DNAH17: variants seen among roughly 807,000 people sequenced by gnomAD.
The protein encoded by DNAH17 is dynein axonemal heavy chain 17.
Under a neutral mutation model 485.6 loss-of-function variants are expected in DNAH17, and 376 were observed. The observed-to-expected ratio is 0.77, with a 90% CI of 0.71 to 0.84. The LOEUF (loss-of-function observed/expected upper bound fraction) is 0.84, where lower values mean the gene tolerates loss of function less well. Ranked by LOEUF, DNAH17 falls within the 40% of genes least tolerant of loss-of-function variation. The pLI is 0.00. For synonymous variants in DNAH17, 3,031 were observed against 2,405.9 expected, an observed-to-expected ratio of 1.26 and a Z score of -7.60; for missense variants, 6,370 against 5,839.3, an observed-to-expected ratio of 1.09 and a Z score of -2.96.
Position 78,429,659 on chromosome 17 carries a change from C to T in DNAH17, c.12226-359G>A, listed in dbSNP as rs114972375. ...TGCCTCAGAGGCCACAGGGCTGAATCGGAACTCGCTCCCTCTGCCTCTCCC... is the reference window on the plus strand; with the variant it reads ...TGCCTCAGAGGCCACAGGGCTGAATTGGAACTCGCTCCCTCTGCCTCTCCC... On this transcript the variant is annotated intron_variant, in intron 75 of 80. Transcript: ENST00000389840. 2.9e-3 allele frequency among the ~76,000 whole-genome samples: 447 copies of T among 152,302 alleles called. 1 individual carries two copies. The highest frequency in any genetic ancestry group is 9.2e-3 in the African/African-American group (382 of 41,566).
Position 78,558,188 on chromosome 17 carries a change from C to T in DNAH17, c.2098G>A (p.Ala700Thr), listed in dbSNP as rs1322948096. The T allele has an allele frequency of 1.2e-6, 2 of 1,613,862 alleles. No individual in the cohort carries two copies. Among genetic ancestry groups the T allele is most frequent in the East Asian group, 4.5e-5 (2 of 44,886 alleles). ...TCGTTCTCTGAGAACAGACTCTCCG[C>T]ACTGTCTGGAATCTCTTTCTGTTGC... is the stretch of plus-strand genomic sequence containing the variant. ...FQQQKEIPDS[A>T]ESLFSENETF... is the part of the protein sequence containing the mutation. The change falls in exon 14 of 81, where the codon GCG becomes ACG. Residue 700 changes from alanine (A) to threonine (T), a missense_variant. Ala to Thr is a moderately conservative substitution (Grantham distance 58, BLOSUM62 0). Transcript: ENST00000389840.
At position 78,444,785 on chromosome 17, in the gene DNAH17, T is replaced by A; in HGVS notation, c.11347A>T (p.Met3783Leu). The A allele has an allele frequency of 6.4e-7, 1 of 1,571,882 alleles. No homozygotes were observed. Among genetic ancestry groups the A allele is most frequent in the Non-Finnish European group, 8.6e-7 (1 of 1,162,012 alleles). The stretch of plus-strand genomic sequence containing the variant: ...CTGTCCAGATTTTTGAACTCATCCA[T>A]CTCCGAGAGGGCCTAGGGGCAGAGG... ...GWGGIKALSE[M>L]DEFKNLDSDI... is the part of the protein sequence containing the mutation. The change falls in exon 71 of 81, where the codon ATG becomes TTG. Residue 3783 changes from methionine (M) to leucine (L), a missense_variant. Coordinates refer to ENST00000389840, the MANE Select transcript of DNAH17 (RefSeq NM_173628.4).
chr17:78,490,801 A>C lies in DNAH17; in HGVS notation c.6716T>G (p.Met2239Arg). ...GTGGCTGATTTCGAACACCAGCCTC[A>C]TGGTGCGGTTCAGGGGGATCCGCTC... is the stretch of plus-strand genomic sequence containing the variant. ...SNERIPLNRT[M>R]RLVFEISHLR... The change falls in exon 44 of 81, where the codon ATG becomes AGG. Residue 2239 changes from methionine to arginine, a missense_variant. Coordinates refer to ENST00000389840, the MANE Select transcript of DNAH17 (RefSeq NM_173628.4). 1 of 1,604,794 alleles carries C rather than the reference A, an allele frequency of 6.2e-7. No individual in the cohort carries two copies. Among genetic ancestry groups the C allele is most frequent in the Non-Finnish European group, 8.5e-7 (1 of 1,175,940 alleles).
At chr17:78,552,829 T>G in intron 14 of DNAH17, 24 bp from the exon 15 acceptor site, 3 of 1,527,048 alleles carry the variant, frequency 2.0e-6, no homozygotes, top group Non-Finnish European at 2.7e-6. Context: ...GTGACAGGTT[T>G]TGTTCCGAGT....
rs1555671256 is a variant in DNAH17 at position 78,485,670 on chromosome 17, C to T, written c.7363G>A (p.Gly2455Arg). Residue 2455 changes from glycine to arginine, a missense_variant, in exon 47 of 81, where the codon GGG (glycine) becomes AGG (arginine). Coordinates refer to ENST00000389840, the MANE Select transcript of DNAH17 (RefSeq NM_173628.4). ...MEKSWPVMLV[G>R]NAGTGKSVLM... ...ACCGACTTGCCCGTCCCCGCGTTCCCCACCAGCATCACCGGCCAGGACTTC... is the reference window on the plus strand; with the variant it reads ...ACCGACTTGCCCGTCCCCGCGTTCCTCACCAGCATCACCGGCCAGGACTTC... 2 of 1,614,020 alleles carry T rather than the reference C, an allele frequency of 1.2e-6. No homozygotes were observed. Among genetic ancestry groups the T allele is most frequent in the Non-Finnish European group, 1.7e-6 (2 of 1,179,892 alleles).
intron 19 of DNAH17, among the ~76,000 whole-genome samples, chr17:78,534,025 A>G (rs1425827283): frequency 6.6e-6 from 1 of 152,204 alleles, no homozygotes; most frequent in African/African-American, 2.4e-5. Context: ...AAAAAACCTT[A>G]TGGGCCAGGA....
intron 78 of DNAH17, 38 bp from the exon 79 acceptor site, chr17:78,426,638 T>C: frequency 6.4e-7 from 1 of 1,561,808 alleles, no homozygotes; most frequent in Non-Finnish European, 8.7e-7. Context: ...AGCCCTGAGC[T>C]GGGGCCTGGG....
chr17:78,524,994 G>A lies in DNAH17; in HGVS notation c.3864+15C>T, dbSNP rs56410782. 0.026 allele frequency: 41,310 copies of A among 1,593,168 alleles called. 843 individuals are homozygous for A. The highest frequency in any genetic ancestry group is 0.1 in the African/African-American group (7,527 of 74,632). ...GAATCCCGGGCCCCACCCACGCGGC[G>A]TGCCCTGCACTCACCACAACAACCA... On this transcript the variant is annotated intron_variant, in intron 25 of 80. Coordinates refer to ENST00000389840, the MANE Select transcript of DNAH17 (RefSeq NM_173628.4).
At chr17:78,453,868 GTTTGT>G (rs2087666418) in intron 64 of DNAH17, among the ~76,000 whole-genome samples, 1 of 151,866 alleles carries the variant, frequency 6.6e-6, no homozygotes, top group Non-Finnish European at 1.5e-5. Flanking sequence ...TTTTTTGTTT[GTTTGT>G]TTTTTGTTTT....
Position 78,449,544 on chromosome 17 carries a change from G to T in DNAH17, c.11081C>A (p.Thr3694Asn), listed in dbSNP as rs147965459. 1.9e-6 allele frequency: 3 copies of T among 1,604,730 alleles called. No individual in the cohort carries two copies. The highest frequency in any genetic ancestry group is 8.5e-7 in the Non-Finnish European group (1 of 1,175,954). The change falls in exon 69 of 81, where the codon ACC (threonine) becomes AAC (asparagine). Residue 3694 changes from threonine (T) to asparagine (N), a missense_variant. Transcript: ENST00000389840. The stretch of plus-strand genomic sequence containing the variant: ...CCGCTGCTTCACCTCGTTGGCAGGG[G>T]TGGTCCTCTGGATGGCTTTCTCAAA... ...VVFEKAIQRT[T>N]PANEVKQRVI...
chr17:78,480,508 C>A (rs891074969), intron 49 of DNAH17, among the ~76,000 whole-genome samples, 176 bp downstream of exon 49: 2 of 152,214 alleles, frequency 1.3e-5, no homozygotes, highest in Non-Finnish European at 2.9e-5. Flanking sequence ...GGCTGGCTAG[C>A]TGCTCATCCT....
In DNAH17 at chr17:78,514,847, A is replaced by C. The variant is rs570760772; in HGVS notation, c.4040T>G (p.Leu1347Arg). Residue 1347 changes from leucine (L) to arginine (R), a missense_variant, in exon 26 of 81, where the codon CTG becomes CGG. Transcript: ENST00000389840. The stretch of plus-strand genomic sequence containing the variant: ...GTTCTGCAGCTCGCTCACGGCACGC[A>C]GGGACGTGATCACGTTTTTCACGGT... ...DNTVKNVITSLRAVSELQNPA... is the reference protein window; with the variant it reads ...DNTVKNVITSRRAVSELQNPA... The C allele has an allele frequency of 6.2e-7, 1 of 1,614,042 alleles. No individual in the cohort carries two copies. Among genetic ancestry groups the C allele is most frequent in the Admixed American group, 1.7e-5 (1 of 60,030 alleles).
Position 78,468,649 on chromosome 17 carries a change from A to G in DNAH17, c.8746T>C (p.Phe2916Leu), listed in dbSNP as rs754832246. The G allele has an allele frequency of 1.2e-6, 2 of 1,613,856 alleles. No homozygotes were observed. Among genetic ancestry groups the G allele is most frequent in the Non-Finnish European group, 1.7e-6 (2 of 1,179,818 alleles). ...MNDTRETCWKFFIEKVRRQLK... is the reference protein window; with the variant it reads ...MNDTRETCWKLFIEKVRRQLK... ...TGTCTGCGCACTTTTTCGATGAAGA[A>G]CTTCCAACATGTTTCCCGAGTGTCA... Residue 2916 changes from phenylalanine to leucine, a missense_variant, in exon 55 of 81, where the codon TTC becomes CTC. Physicochemically the swap from Phe to Leu is conservative, Grantham distance 22 (BLOSUM62 0). Transcript: ENST00000389840.
rs2090295651 is a variant in DNAH17, at chr17:78,501,670, C to G, written c.5322+72G>C. On this transcript the variant is annotated intron_variant, in intron 34 of 80. Transcript: ENST00000389840. The stretch of plus-strand genomic sequence containing the variant: ...AAGAGGAAGTGGCAGGGTCTGAAGT[C>G]CCTGAATGCACTGCCCTGAACCCGG... The G allele has an allele frequency of 2.2e-5, 35 of 1,563,538 alleles. No homozygotes were observed. The South Asian group carries it at 3.7e-4, about 16-fold the overall frequency.
intron 19 of DNAH17, among the ~76,000 whole-genome samples, chr17:78,534,822 TG>T (rs765318001): frequency 6.6e-6 from 1 of 152,122 alleles, no homozygotes; most frequent in Non-Finnish European, 1.5e-5. Context: ...TGTGGCAGCC[TG>T]GGGCCCACAT....
At chr17:78,479,349 G>A (rs557238742) in intron 50 of DNAH17, 136 bp downstream of exon 50, 15 of 1,235,504 alleles carry the variant, frequency 1.2e-5, no homozygotes, top group South Asian at 3.4e-5. Context: ...TTCTCCTGTC[G>A]AAACATAGCA....
intron 48 of DNAH17, 56 bp downstream of exon 48, chr17:78,484,812 C>T: frequency 7.3e-7 from 1 of 1,373,412 alleles, no homozygotes; most frequent in Non-Finnish European, 9.6e-7. Context: ...CCCGCCCTGG[C>T]CCCGCCCTCA....
In DNAH17 at chr17:78,495,948, C is replaced by T. The variant is rs749022091; in HGVS notation, c.5830G>A (p.Gly1944Ser). Residue 1944 changes from glycine to serine, a missense_variant, in exon 38 of 81, where the codon GGT becomes AGT. Physicochemically the swap from Gly to Ser is moderately conservative, Grantham distance 56. Coordinates refer to ENST00000389840, the MANE Select transcript of DNAH17 (RefSeq NM_173628.4). ...GEIIGLIPTV[G>S]IFITMNPGYA... The stretch of plus-strand genomic sequence containing the variant: ...CCAGGGTTCATGGTGATGAAGATAC[C>T]GACGGTGGGAATGAGGCCTATGATC... 5.0e-6 allele frequency: 8 copies of T among 1,613,880 alleles called. No individual in the cohort carries two copies. The South Asian group carries it at 5.5e-5, about 11-fold the overall frequency.
chr17:78,477,981 T>TCAC (rs780422881), intron 51 of DNAH17, among the ~76,000 whole-genome samples: 1 of 105,670 alleles, frequency 9.5e-6, no homozygotes, highest in African/African-American at 4.0e-5. Flanking sequence ...ACCATCATCA[T>TCAC]CACCACCATC....
Sources: allele counts gnomAD v4.1 joint callset (sites outside exome capture counted in the v4.1 genomes callset), GRCh38; gene constraint gnomAD v4.1.1; transcripts MANE v1.5; gene names NCBI Gene and HGNC (gene_info 2026-07-23, HGNC 2026-07-21).